HRH2: variants seen among roughly 807,000 people sequenced by gnomAD.
The protein encoded by HRH2 is histamine receptor H2, also known as histamine H2 receptor.
In HRH2, 4 loss-of-function variants were observed where a neutral mutation model predicts 20.1. The observed-to-expected ratio is 0.20, with a 90% confidence interval of 0.10 to 0.45. The LOEUF is 0.45. Among genes scored for constraint, HRH2 ranks in the 20% least tolerant of loss-of-function variants. The pLI is 0.99. For missense variants in HRH2, 250 were observed against 461.6 expected (o/e 0.54, Z 4.20); for synonymous variants, 197 against 200.7 (o/e 0.98, Z 0.16).
At chr5:175,658,328 C>T (rs2113458950) in intron 1 of HRH2, among the ~76,000 whole-genome samples, 173 bp downstream of exon 1, 1 of 152,280 alleles carries the variant, frequency 6.6e-6, no homozygotes, top group African/African-American at 2.4e-5. Context: ...CCTGGCTGTG[C>T]CTGACCTTGG....
chr5:175,684,909 G>T (rs1325520231), intron 2 of HRH2, among the ~76,000 whole-genome samples: 1 of 152,180 alleles, frequency 6.6e-6, no homozygotes, highest in Admixed American at 6.5e-5. Flanking sequence ...TTTAGGAAAG[G>T]TGAAAGAGTT....
chr5:175,674,209 C>T (rs1431154732), intron 1 of HRH2, among the ~76,000 whole-genome samples: 2 of 152,154 alleles, frequency 1.3e-5, no homozygotes, highest in African/African-American at 2.4e-5. Context: ...TGGTTTCATG[C>T]CTTCTGCGGC....
At position 175,708,329 on chromosome 5, in the gene HRH2, G is replaced by A. The variant is rs1757007672; in HGVS notation, c.*358G>A. On this transcript the variant is annotated 3_prime_UTR_variant, in exon 3 of 3. Transcript: ENST00000636584. ...ACGTGTAGGGACGTGCATGACCTCT[G>A]AGCAAGGCAGAGGGTATTGAAGAAA... 5.4e-6 allele frequency: 1 copy of A among 184,688 alleles called. No individual in the cohort carries two copies. Among genetic ancestry groups the A allele is most frequent in the East Asian group, 1.3e-4 (1 of 7,416 alleles). 11.4% of individuals were successfully genotyped at this position (184,688 alleles called of 1,614,324 possible).
chr5:175,697,658 A>G (rs576236878), intron 2 of HRH2, among the ~76,000 whole-genome samples: 2 of 152,254 alleles, frequency 1.3e-5, no homozygotes, highest in African/African-American at 2.4e-5. Flanking sequence ...GACTTAGTCC[A>G]GTCGTTGTTC....
intron 2 of HRH2, among the ~76,000 whole-genome samples, chr5:175,700,581 A>T (rs1436070636): frequency 3.3e-5 from 5 of 152,098 alleles, no homozygotes; most frequent in Admixed American, 1.3e-4. Flanking sequence ...GATGATACTG[A>T]ACAGAATATT....
chr5:175,710,451 C>G lies in HRH2; in HGVS notation c.*2480C>G, dbSNP rs1280998539. 1 of 152,300 alleles carries G rather than the reference C, an allele frequency of 6.6e-6. No homozygotes were observed. Among genetic ancestry groups the G allele is most frequent in the African/African-American group, 2.4e-5 (1 of 41,458 alleles). The allele number at this position is 152,300 out of a possible 1,614,324, so 9.4% of individuals were successfully genotyped here. ...CAGAATCCCCCTCCTTGGAAGTTTT[C>G]CCAGGAGTCTGAGGCAGGCAGGTCT... On this transcript the variant is annotated 3_prime_UTR_variant, in exon 3 of 3. Transcript: ENST00000636584.
chr5:175,702,203 T>C (rs557875008), intron 2 of HRH2, among the ~76,000 whole-genome samples: 1 of 152,024 alleles, frequency 6.6e-6, no homozygotes, highest in South Asian at 2.1e-4. Context: ...AGAGATTCCA[T>C]ATGGTATGGA....
chr5:175,673,453 G>A (rs1476635140), intron 1 of HRH2, among the ~76,000 whole-genome samples: 1 of 152,154 alleles, frequency 6.6e-6, no homozygotes. Flanking sequence ...TCCACTTTGT[G>A]CCCACAATAT....
intron 1 of HRH2, among the ~76,000 whole-genome samples, chr5:175,666,577 A>G (rs1238380044): frequency 6.6e-6 from 1 of 152,052 alleles, no homozygotes; most frequent in Non-Finnish European, 1.5e-5. Context: ...ACATACATGC[A>G]GCACCACACC....
chr5:175,702,758 T>C (rs10041097), intron 2 of HRH2, among the ~76,000 whole-genome samples: 28,581 of 142,772 alleles, frequency 0.2, 5,063 homozygotes, highest in African/African-American at 0.48. Context: ...TTAGTAGAGA[T>C]GGGGTTTCAC....
At chr5:175,698,248 C>A (rs1394342373) in intron 2 of HRH2, among the ~76,000 whole-genome samples, 1 of 152,226 alleles carries the variant, frequency 6.6e-6, no homozygotes, top group Non-Finnish European at 1.5e-5. Flanking sequence ...AGCAGCCCTG[C>A]CCAGATCATC....
chr5:175,690,456 T>G (rs1756330384), intron 2 of HRH2, among the ~76,000 whole-genome samples: 1 of 152,210 alleles, frequency 6.6e-6, no homozygotes, highest in Non-Finnish European at 1.5e-5. Context: ...ACATTTAGCA[T>G]CATTCCTGGC....
intron 1 of HRH2, among the ~76,000 whole-genome samples, chr5:175,665,636 C>T (rs1762865840): frequency 6.6e-6 from 1 of 152,176 alleles, no homozygotes; most frequent in Non-Finnish European, 1.5e-5. Flanking sequence ...GTTCTCAACA[C>T]CTTACCACAC....
intron 1 of HRH2, among the ~76,000 whole-genome samples, chr5:175,664,683 G>A (rs537182337): frequency 1.2e-3 from 190 of 152,096 alleles, no homozygotes; most frequent in African/African-American, 4.3e-3. Flanking sequence ...CACCCAAACC[G>A]GAGTGCAGTG....
At chr5:175,667,159 G>T (rs1049610505) in intron 1 of HRH2, among the ~76,000 whole-genome samples, 1 of 152,074 alleles carries the variant, frequency 6.6e-6, no homozygotes, top group African/African-American at 2.4e-5. Flanking sequence ...AAAGAAATGT[G>T]CTGGCTGGGT....
chr5:175,676,263 C>T (rs1053097324), intron 1 of HRH2, among the ~76,000 whole-genome samples: 1 of 152,248 alleles, frequency 6.6e-6, no homozygotes, highest in African/African-American at 2.4e-5. Context: ...GAAAATGCTT[C>T]CTTCCACAAA....
Position 175,695,530 on chromosome 5 carries a change from T to C in HRH2, c.1076+11221T>C, listed in dbSNP as rs188431035. On this transcript the variant is annotated intron_variant, in intron 2 of 2. Transcript: ENST00000636584. ...CATCTTCATGCAGGGAACACTTTGT[T>C]TCTTTCAGATTATTTCCCTAGAAAC... Among the ~76,000 whole-genome samples, 4 of 152,328 alleles carry C rather than the reference T, an allele frequency of 2.6e-5. No homozygotes were observed. In the East Asian group the frequency reaches 5.8e-4, roughly 22 times the overall value.
Position 175,681,117 on chromosome 5 carries a change from C to CA in HRH2, c.-525-1585dup, listed in dbSNP as rs911741237. ...ACTTTGATGAGAAATAGGGATTCTC[C>CA]AAAAAAATACCCTTATTGCTACCCC... On this transcript the variant is annotated intron_variant, in intron 1 of 2. Transcript: ENST00000636584. The surrounding 1 kb of genome is among the most constrained non-coding windows in gnomAD (Gnocchi z 4.3). Among the ~76,000 whole-genome samples the CA allele has an allele frequency of 7.2e-5, 11 of 152,060 alleles. No homozygotes were observed. The highest frequency in any genetic ancestry group is 3.4e-3 in the Middle Eastern group (1 of 294).
chr5:175,689,906 A>G (rs1279737482), intron 2 of HRH2, among the ~76,000 whole-genome samples: 1 of 152,238 alleles, frequency 6.6e-6, no homozygotes, highest in Admixed American at 6.5e-5. Flanking sequence ...AGTCAGGGGC[A>G]CAGCTTGAGG....
Sources: allele counts gnomAD v4.1 joint callset (sites outside exome capture counted in the v4.1 genomes callset), GRCh38; gene constraint gnomAD v4.1.1; non-coding constraint Gnocchi (gnomAD v3.1); transcripts MANE v1.5; gene names NCBI Gene and HGNC (gene_info 2026-07-23, HGNC 2026-07-21).